Variants in SIAE observed in about 807,000 individuals in gnomAD.
SIAE encodes sialic acid acetylesterase.
In SIAE, 39 loss-of-function variants were observed where a neutral mutation model predicts 52.6. The ratio of observed to expected loss-of-function variants is 0.74; its 90% CI spans 0.57 to 0.97. The LOEUF is 0.97. Among genes scored for constraint, SIAE ranks in the 50% least tolerant of loss-of-function variants. The pLI, the probability that SIAE is intolerant of heterozygous loss-of-function variation, is 0.00. For synonymous variants in SIAE, 233 were observed against 241.4 expected, an observed-to-expected ratio of 0.97 and a Z score of 0.32; for missense variants, 592 against 662.1, an observed-to-expected ratio of 0.89 and a Z score of 1.16.
chr11:124,666,674 T>C (rs889322331), intron 2 of SIAE, among the ~76,000 whole-genome samples: 2 of 152,226 alleles, frequency 1.3e-5, no homozygotes, highest in Admixed American at 1.3e-4. Context: ...CCCTTTGCAG[T>C]GAGGCAGCTG....
In SIAE at chr11:124,654,782, A is replaced by G. The variant is rs895392109; in HGVS notation, c.417T>C (p.Ala139=). The change falls in exon 4 of 10, where the codon GCT becomes GCC. Residue 139 remains alanine (A), a synonymous_variant. Transcript: ENST00000263593. ...CCGCAGTGTTAGACAACTCCCTTGT[A>G]GCATTAAATATCTGGAAAAGAAATT... is the stretch of plus-strand genomic sequence containing the variant. ...MQMTVLQIFN[A]TRELSNTAAY... is the part of the protein sequence containing the mutation. 4.3e-6 allele frequency: 7 copies of G among 1,613,648 alleles called. No homozygotes were observed. The African/African-American group carries it at 9.3e-5, about 22-fold the overall frequency.
At chr11:124,674,459 C>G (rs1565421476), upstream of SIAE, 1 of 152,528 alleles carries the variant, frequency 6.6e-6, no homozygotes, top group South Asian at 2.1e-4. Context: ...CGCCTCTATT[C>G]CGCATTGACG....
intron 2 of SIAE, 132 bp downstream of exon 2, chr11:124,669,228 T>G: frequency 8.2e-7 from 1 of 1,225,876 alleles, no homozygotes; most frequent in Admixed American, 1.8e-5. Flanking sequence ...TTCAAATAAC[T>G]TTTATGGATG....
At chr11:124,649,019 T>C (rs1942979887) in intron 5 of SIAE, among the ~76,000 whole-genome samples, 1 of 152,230 alleles carries the variant, frequency 6.6e-6, no homozygotes, top group Non-Finnish European at 1.5e-5. Flanking sequence ...TTGTATTCAC[T>C]AGCCCTTTCC....
At chr11:124,675,498 C>G, upstream of SIAE, 1 of 1,490,770 alleles carries the variant, frequency 6.7e-7, no homozygotes, top group Non-Finnish European at 9.1e-7. Flanking sequence ...AAGACCATCT[C>G]CATTCTGCAG....
In SIAE at chr11:124,648,063, T is replaced by TA; in HGVS notation, c.832+2dup. 2 of 1,607,436 alleles carry TA rather than the reference T, an allele frequency of 1.2e-6. No homozygotes were observed. Among genetic ancestry groups the TA allele is most frequent in the East Asian group, 4.5e-5 (2 of 44,824 alleles). ...ATGGAGAAAGAGTACACTGAACACT[T>TA]ACCCTGGTACCATACTACCCCTTTC... is the stretch of plus-strand genomic sequence containing the variant. On this transcript the variant is annotated splice_region_variant and intron_variant, in intron 6 of 9. Coordinates refer to ENST00000263593, the MANE Select transcript of SIAE (RefSeq NM_170601.5).
At chr11:124,656,739 T>C (rs1447151432) in intron 3 of SIAE, among the ~76,000 whole-genome samples, 2 of 152,212 alleles carry the variant, frequency 1.3e-5, no homozygotes, top group Admixed American at 6.5e-5. Flanking sequence ...GAGTCCTTTC[T>C]ATCCCCCTGG....
At chr11:124,660,355 G>A (rs1013924449) in intron 3 of SIAE, 1 of 397,014 alleles carries the variant, frequency 2.5e-6, no homozygotes, top group Non-Finnish European at 4.7e-6. Flanking sequence ...CAGTTTTGGA[G>A]AAAGTGCTAG....
At chr11:124,666,130 C>A (rs1262647269) in intron 2 of SIAE, among the ~76,000 whole-genome samples, 1 of 152,130 alleles carries the variant, frequency 6.6e-6, no homozygotes, top group Non-Finnish European at 1.5e-5. Flanking sequence ...GCCAATCATC[C>A]CTCAGGTATT....
chr11:124,663,409 T>C (rs1943219997), intron 2 of SIAE, among the ~76,000 whole-genome samples: 1 of 152,020 alleles, frequency 6.6e-6, no homozygotes, highest in Non-Finnish European at 1.5e-5. Flanking sequence ...ACCCTGTCTC[T>C]ACTAAAAATA....
Position 124,673,717 on chromosome 11 carries a change from G to C in SIAE, c.-9C>G. On this transcript the variant is annotated 5_prime_UTR_variant, in exon 1 of 10. Transcript: ENST00000263593. ...AGCCCCGGCGCGACCATGCTTGCAA[G>C]GATCTGACCGCCGCCTAGGACTGGG... 5 of 1,613,302 alleles carry C rather than the reference G, an allele frequency of 3.1e-6. No individual in the cohort carries two copies. Among genetic ancestry groups the C allele is most frequent in the Non-Finnish European group, 4.2e-6 (5 of 1,179,700 alleles).
chr11:124,675,401 T>A, upstream of SIAE: 1 of 1,612,092 alleles, frequency 6.2e-7, no homozygotes, highest in South Asian at 1.1e-5. Flanking sequence ...TTTGAGAGCC[T>A]TCTAGAGAAA....
At position 124,637,063 on chromosome 11, in the gene SIAE, C is replaced by T. The variant is rs1942758387; in HGVS notation, c.1460G>A (p.Cys487Tyr). The change falls in exon 10 of 10, where the codon TGT (cysteine) becomes TAT (tyrosine). Residue 487 changes from cysteine (C) to tyrosine (Y), a missense_variant. Physicochemically the swap from Cys to Tyr is radical, Grantham distance 194. Transcript: ENST00000263593. Reference protein sequence around the residue: ...ALRYAWTTWPCEYKQCPLYHP... With the variant: ...ALRYAWTTWPYEYKQCPLYHP... ...GTATAGGGGACACTGCTTATATTCA[C>T]AAGGCCACGTGGTCCAAGCATAGCG... 6.2e-7 allele frequency: 1 copy of T among 1,614,072 alleles called. No homozygotes were observed. The highest frequency in any genetic ancestry group is 1.1e-5 in the South Asian group (1 of 91,086).
chr11:124,654,539 A>C, intron 4 of SIAE, 116 bp downstream of exon 4: 3 of 1,602,944 alleles, frequency 1.9e-6, no homozygotes, highest in Non-Finnish European at 2.5e-6. Flanking sequence ...ATAAGAAAGG[A>C]ATAAAAGGCA....
intron 4 of SIAE, chr11:124,654,241 A>C (rs1292568102): frequency 1.0e-6 from 1 of 985,278 alleles, no homozygotes; most frequent in Non-Finnish European, 1.2e-6. Context: ...GGGGAAAACC[A>C]CAGTGCCTAA....
chr11:124,642,491 A>G (rs564888857), intron 7 of SIAE, among the ~76,000 whole-genome samples: 2 of 151,964 alleles, frequency 1.3e-5, no homozygotes, highest in East Asian at 3.9e-4. Context: ...GAAAGTGACA[A>G]GTGCACTGGA....
chr11:124,649,773 T>C lies in SIAE; in HGVS notation c.568A>G (p.Lys190Glu), dbSNP rs1942991346. The C allele has an allele frequency of 6.2e-7, 1 of 1,614,002 alleles. No individual in the cohort carries two copies. The highest frequency in any genetic ancestry group is 1.7e-5 in the Admixed American group (1 of 60,000). The change falls in exon 5 of 10, where the codon AAG becomes GAG. Residue 190 changes from lysine to glutamate, a missense_variant. Lys to Glu is a moderately conservative substitution (Grantham distance 56, BLOSUM62 1). Coordinates refer to ENST00000263593, the MANE Select transcript of SIAE (RefSeq NM_170601.5). ...TSENLGHGYFKYMSAVCWLFG... is the reference protein window; with the variant it reads ...TSENLGHGYFEYMSAVCWLFG... ...AGCCAGCACACTGCTGACATGTACTTGAAATATCCATGGCCTAAGTTTTCT... is the reference window on the plus strand; with the variant it reads ...AGCCAGCACACTGCTGACATGTACTCGAAATATCCATGGCCTAAGTTTTCT...
chr11:124,633,233 T>C lies in SIAE; in HGVS notation c.*3718A>G, dbSNP rs745358356. 3 of 152,262 alleles carry C rather than the reference T, an allele frequency of 2.0e-5. No homozygotes were observed. Among genetic ancestry groups the C allele is most frequent in the Non-Finnish European group, 4.4e-5 (3 of 68,056 alleles). 9.4% of individuals were successfully genotyped at this position (152,262 alleles called of 1,614,324 possible). On this transcript the variant is annotated 3_prime_UTR_variant, in exon 10 of 10. Transcript: ENST00000263593. Reference sequence around the variant, plus strand: ...ATAATTGGGGGTTAGTCCCATACTCTATAACAGACTTAGTCCTGTCTTTTC... The same window carrying C: ...ATAATTGGGGGTTAGTCCCATACTCCATAACAGACTTAGTCCTGTCTTTTC...
intron 1 of SIAE, 39 bp downstream of exon 1, chr11:124,673,603 G>T: frequency 6.2e-7 from 1 of 1,602,952 alleles, no homozygotes; most frequent in Non-Finnish European, 8.5e-7. Flanking sequence ...GCCCGCACAG[G>T]CTGAGGGGCA....
Sources: allele counts gnomAD v4.1 joint callset (sites outside exome capture counted in the v4.1 genomes callset), GRCh38; gene constraint gnomAD v4.1.1; transcripts MANE v1.5; gene names NCBI Gene and HGNC (gene_info 2026-07-23, HGNC 2026-07-21).